The following EP300 variants were observed in gnomAD, a reference collection of about 807,000 sequenced individuals.
The protein encoded by EP300 is EP300 lysine acetyltransferase, also known as histone acetyltransferase p300.
In EP300, 31 loss-of-function variants were observed where a neutral mutation model predicts 264.0. The ratio of observed to expected loss-of-function variants is 0.12; its 90% CI spans 0.09 to 0.16. The LOEUF (loss-of-function observed/expected upper bound fraction) is 0.16. EP300 is among the 10% of genes least tolerant of loss of function. The pLI, the probability that EP300 is intolerant of heterozygous loss-of-function variation, is 1.00. For missense variants in EP300, 2,766 were observed against 3,052.9 expected (o/e 0.91, Z 2.21); for synonymous variants, 1,340 against 1,045.4 (o/e 1.28, Z -5.44).
intron 7 of EP300, 43 bp from the exon 8 acceptor site, chr22:41,137,610 C>T (rs1224496704): frequency 1.4e-5 from 22 of 1,613,784 alleles, no homozygotes; most frequent in Non-Finnish European, 1.8e-5. Flanking sequence ...AGGTCTTCTC[C>T]TACCTTTCTT....
At position 41,155,014 on chromosome 22, in the gene EP300, A is replaced by G. The variant is rs139758629; in HGVS notation, c.3162A>G (p.Leu1054=). The G allele has an allele frequency of 3.5e-4, 557 of 1,613,572 alleles. 15 individuals are homozygous for G. The South Asian group carries it at 4.7e-3, about 13-fold the overall frequency. The change falls in exon 17 of 31, where the codon CTA becomes CTG. Residue 1054 remains leucine, a synonymous_variant. Coordinates refer to ENST00000263253, the MANE Select transcript of EP300 (RefSeq NM_001429.4). ...TTTAAGTTTTCAAACCAGAAGAACT[A>G]CGACAGGCACTGATGCCAACTTTGG... ...SKKKIFKPEE[L]RQALMPTLEA... is the part of the protein sequence containing the mutation.
At position 41,092,610 on chromosome 22, in the gene EP300, G is replaced by A; in HGVS notation, c.-395G>A. 1.6e-6 allele frequency: 1 copy of A among 624,146 alleles called. No individual in the cohort carries two copies. The highest frequency in any genetic ancestry group is 2.9e-6 in the Non-Finnish European group (1 of 344,136). The allele number at this position is 624,146 out of a possible 1,614,324, so 38.7% of individuals were successfully genotyped here. ...TGGCGATGAGAAGGAGGAGGACAGC[G>A]CCGAGGAGGAAGAGGTTGATGGCGG... is the stretch of plus-strand genomic sequence containing the variant. On this transcript the variant is annotated 5_prime_UTR_variant, in exon 1 of 31. Coordinates refer to ENST00000263253, the MANE Select transcript of EP300 (RefSeq NM_001429.4).
Position 41,178,519 on chromosome 22 carries a change from G to C in EP300, c.6808G>C (p.Gly2270Arg). 1 of 1,613,958 alleles carries C rather than the reference G, an allele frequency of 6.2e-7. No individual in the cohort carries two copies. Among genetic ancestry groups the C allele is most frequent in the Non-Finnish European group, 8.5e-7 (1 of 1,179,986 alleles). The part of the protein sequence containing the change: ...YQQRLLQQQM[G>R]SPVQPNPMSP... ...GCAGCGACTCCTTCAGCAACAGATG[G>C]GGTCCCCTGTTCAGCCCAACCCCAT... Residue 2270 changes from glycine (G) to arginine (R), a missense_variant, in exon 31 of 31, where the codon GGG becomes CGG. Transcript: ENST00000263253.
rs71328775 is a variant in EP300, at chr22:41,126,729, C to CTTTTTTTTTTTTTTTTT, written c.906+705_906+721dup. Among the ~76,000 whole-genome samples, 4 of 48,792 alleles carry CTTTTTTTTTTTTTTTTT rather than the reference C, an allele frequency of 8.2e-5. 1 individual carries two copies. Among genetic ancestry groups the CTTTTTTTTTTTTTTTTT allele is most frequent in the East Asian group, 1.4e-3 (2 of 1,408 alleles). The allele number at this position is 48,792 out of a possible 152,430, so 32.0% of individuals were successfully genotyped here. A position where few individuals can be genotyped will look rare whatever the true frequency, so the allele number is the denominator to read the frequency against. ...TCATCTCTGTCCCGAGAAATGTTCA[C>CTTTTTTTTTTTTTTTTT]TTTTTTTTTTTTTTTTTTTTTTTTT... is the stretch of plus-strand genomic sequence containing the variant. On this transcript the variant is annotated intron_variant, in intron 3 of 30. Transcript: ENST00000263253.
chr22:41,127,417 C>G lies in EP300; in HGVS notation c.907-70C>G, dbSNP rs188222344. The G allele has an allele frequency of 1.4e-5, 22 of 1,589,492 alleles. No individual in the cohort carries two copies. The East Asian group carries it at 3.4e-4, about 24-fold the overall frequency. On this transcript the variant is annotated intron_variant, in intron 3 of 30. Coordinates refer to ENST00000263253, the MANE Select transcript of EP300 (RefSeq NM_001429.4). ...CCATAAAGGTTTTCATTGAAAATATCCACATCTCTATTTATTAAGAAATAG... is the reference window on the plus strand; with the variant it reads ...CCATAAAGGTTTTCATTGAAAATATGCACATCTCTATTTATTAAGAAATAG...
Position 41,154,242 on chromosome 22 carries a change from CCT to C in EP300, c.3143-752_3143-751del, listed in dbSNP as rs1258528591. The stretch of plus-strand genomic sequence containing the variant: ...ACGAAGGAGTCTTCTCTTCTGTGCC[CCT>C]GACTCCTTGTAGTATAAGACAATAC... On this transcript the variant is annotated intron_variant, in intron 16 of 30. Coordinates refer to ENST00000263253, the MANE Select transcript of EP300 (RefSeq NM_001429.4). Among the ~76,000 whole-genome samples the C allele has an allele frequency of 1.1e-4, 17 of 152,142 alleles. No individual in the cohort carries two copies. In the South Asian group the frequency reaches 1.2e-3, roughly 11 times the overall value.
chr22:41,093,193 T>C (rs1380306969), intron 1 of EP300, 95 bp downstream of exon 1: 2 of 1,207,094 alleles, frequency 1.7e-6, no homozygotes, highest in Non-Finnish European at 2.4e-6. Flanking sequence ...CCTCTCTCTC[T>C]AGTTCCCTGC....
intron 1 of EP300, among the ~76,000 whole-genome samples, chr22:41,101,765 GGCTGAAGT>G (rs1238785888): frequency 6.6e-6 from 1 of 152,066 alleles, no homozygotes; most frequent in East Asian, 1.9e-4. Context: ...GTGTTGCCCA[GGCTGAAGT>G]TATCCTCCTG....
chr22:41,113,656 C>T (rs996192908), intron 1 of EP300, among the ~76,000 whole-genome samples: 1 of 152,258 alleles, frequency 6.6e-6, no homozygotes, highest in African/African-American at 2.4e-5. Context: ...ATGCCATTCT[C>T]CTGCCTCAGC....
chr22:41,150,215 AT>A lies in EP300; in HGVS notation c.2817+20del. ...GCAACTCCAGTAAGTAGAGATTTGG[AT>A]TTAGGCAGAATCATTAGAGCTATAC... On this transcript the variant is annotated intron_variant, in intron 14 of 30. Coordinates refer to ENST00000263253, the MANE Select transcript of EP300 (RefSeq NM_001429.4). The A allele has an allele frequency of 6.3e-7, 1 of 1,592,810 alleles. No homozygotes were observed. Among genetic ancestry groups the A allele is most frequent in the Non-Finnish European group, 8.5e-7 (1 of 1,173,238 alleles).
chr22:41,128,619 C>T (rs1377044753), intron 4 of EP300, among the ~76,000 whole-genome samples: 3 of 151,588 alleles, frequency 2.0e-5, no homozygotes, highest in Admixed American at 6.6e-5. Context: ...GCCATTCTCC[C>T]GCCTCAGCCT....
rs762680482 is a variant in EP300 at position 41,179,705 on chromosome 22, T to C, written c.*749T>C. 25 of 229,686 alleles carry C rather than the reference T, an allele frequency of 1.1e-4. No individual in the cohort carries two copies. The highest frequency in any genetic ancestry group is 2.0e-4 in the Non-Finnish European group (23 of 115,766). The allele number at this position is 229,686 out of a possible 1,614,324, so 14.2% of individuals were successfully genotyped here. A position where few individuals can be genotyped will look rare whatever the true frequency, so the allele number is the denominator to read the frequency against. On this transcript the variant is annotated 3_prime_UTR_variant, in exon 31 of 31. Coordinates refer to ENST00000263253, the MANE Select transcript of EP300 (RefSeq NM_001429.4). Reference sequence around the variant, plus strand: ...AGGGGCAGCTGCCAAATTGATGTATTATATATTGTGGTTTCTGTTTCTTGA... The same window carrying C: ...AGGGGCAGCTGCCAAATTGATGTATCATATATTGTGGTTTCTGTTTCTTGA...
intron 11 of EP300, among the ~76,000 whole-genome samples, chr22:41,147,029 G>A (rs1209870219): frequency 6.6e-6 from 1 of 152,184 alleles, no homozygotes; most frequent in Non-Finnish European, 1.5e-5. Context: ...TGCAGGCTGG[G>A]CATGGTGGCT....
chr22:41,141,363 C>A (rs934441889), intron 10 of EP300, 141 bp downstream of exon 10: 4 of 851,192 alleles, frequency 4.7e-6, no homozygotes, highest in South Asian at 1.7e-5. Flanking sequence ...GAAAATAACT[C>A]ATCTACTAGT....
intron 11 of EP300, among the ~76,000 whole-genome samples, chr22:41,147,494 T>G (rs2059017925): frequency 6.6e-6 from 1 of 152,116 alleles, no homozygotes; most frequent in Non-Finnish European, 1.5e-5. Context: ...TCCCAGCACT[T>G]TGGGAGGCTG....
rs2145734385 is a variant in EP300 at position 41,147,938 on chromosome 22, C to T, written c.2233C>T (p.Leu745Phe). ...TGGACAGTTGGCTCAACCTGGAGCTCTCAACCCGGTTAGTTTGACGTCTTT... is the reference window on the plus strand; with the variant it reads ...TGGACAGTTGGCTCAACCTGGAGCTTTCAACCCGGTTAGTTTGACGTCTTT... ...HHGQLAQPGA[L>F]NPPMGYGPRM... Residue 745 changes from leucine to phenylalanine, a missense_variant, in exon 12 of 31, where the codon CTC becomes TTC. Transcript: ENST00000263253. 2 of 1,603,494 alleles carry T rather than the reference C, an allele frequency of 1.2e-6. No homozygotes were observed. Among genetic ancestry groups the T allele is most frequent in the South Asian group, 1.1e-5 (1 of 89,802 alleles).
rs1338855005 is a variant in EP300 at position 41,092,999 on chromosome 22, T to C, written c.-6T>C. ...TTCCTCGCTTGTATCTCCGAAAGAA[T>C]TAAAAATGGCCGAGAATGTGGTGGA... is the stretch of plus-strand genomic sequence containing the variant. On this transcript the variant is annotated 5_prime_UTR_variant, in exon 1 of 31. Coordinates refer to ENST00000263253, the MANE Select transcript of EP300 (RefSeq NM_001429.4). 1 of 1,614,094 alleles carries C rather than the reference T, an allele frequency of 6.2e-7. No individual in the cohort carries two copies. The highest frequency in any genetic ancestry group is 8.5e-7 in the Non-Finnish European group (1 of 1,180,010).
At chr22:41,105,521 C>CCT (rs1309098628) in intron 1 of EP300, among the ~76,000 whole-genome samples, 24 of 151,882 alleles carry the variant, frequency 1.6e-4, no homozygotes, top group African/African-American at 5.3e-4. Context: ...GCTTCAGCCT[C>CCT]CTGAGTAGCT....
In EP300 at chr22:41,179,233, A is replaced by C. The variant is rs942175438; in HGVS notation, c.*277A>C. 2.2e-6 allele frequency: 1 copy of C among 445,294 alleles called. No individual in the cohort carries two copies. Among genetic ancestry groups the C allele is most frequent in the Non-Finnish European group, 4.0e-6 (1 of 248,968 alleles). The allele number at this position is 445,294 out of a possible 1,614,324, so 27.6% of individuals were successfully genotyped here. A position where few individuals can be genotyped will look rare whatever the true frequency, so the allele number is the denominator to read the frequency against. On this transcript the variant is annotated 3_prime_UTR_variant, in exon 31 of 31. Coordinates refer to ENST00000263253, the MANE Select transcript of EP300 (RefSeq NM_001429.4). ...TCAAGTGTGCACTGGGAGGAGGCTG[A>C]GGCCTGTGAAGCCAAACAATATGCT...
Sources: gnomAD v4.1 joint callset for allele counts (sites outside exome capture counted in the v4.1 genomes callset) on GRCh38, gnomAD v4.1.1 for gene constraint, MANE v1.5 for transcripts, NCBI Gene and HGNC (gene_info 2026-07-23, HGNC 2026-07-21) for gene names.